KCNJ3: variants seen among roughly 807,000 people sequenced by gnomAD.
KCNJ3 encodes the protein potassium inwardly rectifying channel subfamily J member 3, also known as G protein-activated inward rectifier potassium channel 1.
KCNJ3 carries 4 observed loss-of-function variants against 39.2 expected under a neutral mutation model. The ratio of observed to expected loss-of-function variants is 0.10; its 90% CI spans 0.05 to 0.23. KCNJ3 has a LOEUF of 0.23. KCNJ3 is among the 10% of genes least tolerant of loss of function. KCNJ3 has a pLI of 1.00. For synonymous variants in KCNJ3, 230 were observed against 237.4 expected (o/e 0.97, Z 0.29); for missense variants, 276 against 634.9 (o/e 0.43, Z 6.08).
chr2:154,818,918 C>CTTTTTTTTT lies in KCNJ3; in HGVS notation c.920-35785_920-35777dup, dbSNP rs57668487. ...GAGCTTGAGCTGTAGCTGCAAAAGC[C>CTTTTTTTTT]TTTTTTTTTTTTTTTTTTTTTTTTT... On this transcript the variant is annotated intron_variant, in intron 2 of 2. Transcript: ENST00000295101. 9.1e-3 allele frequency among the ~76,000 whole-genome samples: 475 copies of CTTTTTTTTT among 52,438 alleles called. 34 individuals are homozygous for CTTTTTTTTT. The highest frequency in any genetic ancestry group is 0.026 in the Middle Eastern group (1 of 38). The allele number at this position is 52,438 out of a possible 152,430, so 34.4% of individuals were successfully genotyped here. A position where few individuals can be genotyped will look rare whatever the true frequency, so the allele number is the denominator to read the frequency against.
chr2:154,719,240 C>A (rs1399275855), intron 2 of KCNJ3, among the ~76,000 whole-genome samples: 2 of 152,172 alleles, frequency 1.3e-5, no homozygotes, highest in Admixed American at 6.5e-5. Flanking sequence ...ACTCCTCCAT[C>A]TAGCAACTAG....
intron 2 of KCNJ3, among the ~76,000 whole-genome samples, chr2:154,798,602 A>T (rs1434056317): frequency 6.6e-6 from 1 of 152,184 alleles, no homozygotes; most frequent in Admixed American, 6.5e-5. Flanking sequence ...GTGACAAAAA[A>T]ATAGAGTCTG....
chr2:154,754,037 A>T (rs1050138297), intron 2 of KCNJ3, among the ~76,000 whole-genome samples: 8 of 152,050 alleles, frequency 5.3e-5, no homozygotes, highest in Admixed American at 2.6e-4. Flanking sequence ...TTCCACCACT[A>T]TTTTTTAATA....
chr2:154,846,545 A>G (rs1687665614), intron 2 of KCNJ3, among the ~76,000 whole-genome samples: 1 of 152,180 alleles, frequency 6.6e-6, no homozygotes, highest in Non-Finnish European at 1.5e-5. Context: ...GATAATCATA[A>G]CATGCCCAAC....
At chr2:154,786,356 C>T (rs1039957136) in intron 2 of KCNJ3, among the ~76,000 whole-genome samples, 1 of 152,090 alleles carries the variant, frequency 6.6e-6, no homozygotes, top group South Asian at 2.1e-4. Context: ...ACATAGAAAG[C>T]CAAATATTTT....
intron 2 of KCNJ3, among the ~76,000 whole-genome samples, chr2:154,757,464 C>T (rs963050641): frequency 3.3e-5 from 5 of 151,990 alleles, no homozygotes; most frequent in African/African-American, 1.2e-4. Context: ...CCTTTTCTCC[C>T]TCTATAAATT....
intron 2 of KCNJ3, among the ~76,000 whole-genome samples, chr2:154,797,481 G>C (rs913988639): frequency 6.6e-6 from 1 of 152,104 alleles, no homozygotes; most frequent in Admixed American, 6.6e-5. Flanking sequence ...CTATAGTTTA[G>C]TGTGGTATCT....
intron 2 of KCNJ3, among the ~76,000 whole-genome samples, chr2:154,758,347 A>G (rs1315617027): frequency 2.2e-4 from 33 of 152,190 alleles, no homozygotes; most frequent in Admixed American, 2.2e-3. Flanking sequence ...GTTCCTTGGT[A>G]TCTGTAAGGG....
intron 2 of KCNJ3, among the ~76,000 whole-genome samples, chr2:154,834,593 G>A (rs1687416856): frequency 6.6e-6 from 1 of 151,992 alleles, no homozygotes; most frequent in Admixed American, 6.6e-5. Flanking sequence ...GCCAAGCATG[G>A]TGGCGGGCGC....
intron 2 of KCNJ3, among the ~76,000 whole-genome samples, chr2:154,812,725 A>G (rs1334444941): frequency 5.3e-5 from 8 of 152,156 alleles, no homozygotes; most frequent in Admixed American, 4.6e-4. Context: ...GAGTTGATAT[A>G]GGCTTTTCAA....
At chr2:154,788,612 T>G (rs890153047) in intron 2 of KCNJ3, among the ~76,000 whole-genome samples, 1 of 152,112 alleles carries the variant, frequency 6.6e-6, no homozygotes, top group African/African-American at 2.4e-5. Context: ...TGGGAAAATT[T>G]GAGATAGCCA....
chr2:154,841,262 C>A (rs982199043), intron 2 of KCNJ3, among the ~76,000 whole-genome samples: 1 of 152,110 alleles, frequency 6.6e-6, no homozygotes, highest in African/African-American at 2.4e-5. Flanking sequence ...GTTGAACCAG[C>A]CTTGCATCCC....
intron 2 of KCNJ3, among the ~76,000 whole-genome samples, chr2:154,844,852 A>C (rs948040057): frequency 6.6e-6 from 1 of 152,130 alleles, no homozygotes; most frequent in Admixed American, 6.5e-5. Context: ...GTAGTCTGCC[A>C]TGGCTTCCCA....
chr2:154,841,835 TATTA>T (rs1472627945), intron 2 of KCNJ3, among the ~76,000 whole-genome samples: 6 of 152,272 alleles, frequency 3.9e-5, no homozygotes, highest in African/African-American at 1.4e-4. Context: ...TTTTCTTCTT[TATTA>T]GTTTTTCTAG....
intron 2 of KCNJ3, among the ~76,000 whole-genome samples, chr2:154,787,427 C>G (rs1402551947): frequency 1.3e-5 from 2 of 152,140 alleles, no homozygotes; most frequent in African/African-American, 4.8e-5. Context: ...TGACTCAGCC[C>G]TGTTCAGAGA....
chr2:154,699,569 C>T lies in KCNJ3; in HGVS notation c.702+92C>T. The T allele has an allele frequency of 6.8e-7, 1 of 1,470,320 alleles. No homozygotes were observed. Among genetic ancestry groups the T allele is most frequent in the Non-Finnish European group, 9.0e-7 (1 of 1,113,266 alleles). 91.1% of individuals were successfully genotyped at this position (1,470,320 alleles called of 1,614,324 possible). ...TGAGAACCAGCCCGGGCCCCCTCCC[C>T]TGGTTCTACCTATAGCCACAGGTAA... is the stretch of plus-strand genomic sequence containing the variant. On this transcript the variant is annotated intron_variant, in intron 1 of 2. Transcript: ENST00000295101. This position sits in a 1 kb window ranked among gnomAD's most constrained non-coding sequence, Gnocchi z 6.4.
chr2:154,855,424 A>G lies in KCNJ3; in HGVS notation c.*111A>G. ...GAAAGTATATTTTCCTCCCAGTTCT[A>G]CAAGCATATTTGAGAACCCTTCCTT... On this transcript the variant is annotated 3_prime_UTR_variant, in exon 3 of 3. Transcript: ENST00000295101. The G allele has an allele frequency of 1.3e-6, 1 of 765,006 alleles. No individual in the cohort carries two copies. Among genetic ancestry groups the G allele is most frequent in the East Asian group, 2.7e-5 (1 of 36,990 alleles). The allele number at this position is 765,006 out of a possible 1,614,324, so 47.4% of individuals were successfully genotyped here.
chr2:154,798,227 GA>G (rs1686754958), intron 2 of KCNJ3, among the ~76,000 whole-genome samples: 1 of 148,410 alleles, frequency 6.7e-6, no homozygotes, highest in Non-Finnish European at 1.5e-5. Flanking sequence ...CACACGCACA[GA>G]GTCTGTTCCC....
chr2:154,825,280 GC>G (rs778684179), intron 2 of KCNJ3, among the ~76,000 whole-genome samples: 14 of 152,120 alleles, frequency 9.2e-5, no homozygotes, highest in Non-Finnish European at 1.6e-4. Context: ...TTCCAAAAGT[GC>G]CTGTGATGGA....
Sources: allele counts gnomAD v4.1 joint callset (sites outside exome capture counted in the v4.1 genomes callset), GRCh38; gene constraint gnomAD v4.1.1; non-coding constraint Gnocchi (gnomAD v3.1); transcripts MANE v1.5; gene names NCBI Gene and HGNC (gene_info 2026-07-23, HGNC 2026-07-21).